The following NACC1 variants were observed in gnomAD, a reference collection of about 807,000 sequenced individuals.
NACC1 encodes the protein nucleus accumbens associated 1, also known as nucleus accumbens-associated protein 1.
A neutral mutation model predicts 41.7 loss-of-function variants in NACC1; 6 were observed. The ratio of observed to expected loss-of-function variants is 0.14; its 90% CI spans 0.08 to 0.28. The LOEUF (loss-of-function observed/expected upper bound fraction) is 0.28, where lower values mean the gene tolerates loss of function less well. Ranked by LOEUF, NACC1 falls within the 10% of genes least tolerant of loss-of-function variation. NACC1 has a pLI of 1.00. For synonymous variants in NACC1, 338 were observed against 330.6 expected (o/e 1.02, Z -0.24); for missense variants, 434 against 763.7 (o/e 0.57, Z 5.09).
chr19:13,125,137 G>T (rs1469550585), intron 1 of NACC1, among the ~76,000 whole-genome samples: 1 of 152,090 alleles, frequency 6.6e-6, no homozygotes, highest in East Asian at 1.9e-4. Context: ...CTTCAGCCTG[G>T]GTGACAGAGC....
chr19:13,137,130 G>A lies in NACC1; in HGVS notation c.1121-141G>A, dbSNP rs896978475. 1.2e-5 allele frequency: 9 copies of A among 731,434 alleles called. No individual in the cohort carries two copies. In the Admixed American group the frequency reaches 2.3e-4, roughly 19 times the overall value. 45.3% of individuals were successfully genotyped at this position (731,434 alleles called of 1,614,324 possible). On this transcript the variant is annotated intron_variant, in intron 3 of 5. Coordinates refer to ENST00000292431, the MANE Select transcript of NACC1 (RefSeq NM_052876.4). This position sits in a 1 kb window ranked among gnomAD's most constrained non-coding sequence, Gnocchi z 6.1. The stretch of plus-strand genomic sequence containing the variant: ...TGCCCTTGGTGGGTAGAGATGTAGG[G>A]GAGAAGGTCCCTGGGTGAGTTTTCT...
Position 13,140,933 on chromosome 19 carries a change from C to G in NACC1, c.*2527C>G, listed in dbSNP as rs1482103371. The G allele has an allele frequency of 6.6e-6, 1 of 152,562 alleles. No individual in the cohort carries two copies. The highest frequency in any genetic ancestry group is 1.5e-5 in the Non-Finnish European group (1 of 68,054). The allele number at this position is 152,562 out of a possible 1,614,324, so 9.5% of individuals were successfully genotyped here. The stretch of plus-strand genomic sequence containing the variant: ...AACTCCCCTTCCCTGGCCGCCCACT[C>G]AACCCACACCTCTTTCACGCAGGAC... On this transcript the variant is annotated 3_prime_UTR_variant, in exon 6 of 6. Transcript: ENST00000292431. The surrounding 1 kb of genome is among the most constrained non-coding windows in gnomAD (Gnocchi z 4.0).
chr19:13,118,764 A>G (rs2019445671), intron 1 of NACC1, among the ~76,000 whole-genome samples: 1 of 149,108 alleles, frequency 6.7e-6, no homozygotes, highest in South Asian at 2.1e-4. Flanking sequence ...TCCGAGGCGG[A>G]AAAGTGAGGA....
rs571735618 is a variant in NACC1, at chr19:13,140,555, G to T, written c.*2149G>T. 54 of 148,246 alleles carry T rather than the reference G, an allele frequency of 3.6e-4. No individual in the cohort carries two copies. The highest frequency in any genetic ancestry group is 1.2e-3 in the African/African-American group (47 of 40,102). The allele number at this position is 148,246 out of a possible 1,614,324, so 9.2% of individuals were successfully genotyped here. On this transcript the variant is annotated 3_prime_UTR_variant, in exon 6 of 6. Coordinates refer to ENST00000292431, the MANE Select transcript of NACC1 (RefSeq NM_052876.4). This position sits in a 1 kb window ranked among gnomAD's most constrained non-coding sequence, Gnocchi z 4.0. ...AGCCCCTGTGGCATTGGCTTGGGTG[G>T]CAGAGCCCACTTGTTTCAGGGACCC...
intron 1 of NACC1, among the ~76,000 whole-genome samples, chr19:13,118,669 A>C (rs2019441318): frequency 6.6e-6 from 1 of 150,554 alleles, no homozygotes; most frequent in South Asian, 2.1e-4. Flanking sequence ...GCAGGATCGT[A>C]CCTGGACCGC....
Position 13,137,140 on chromosome 19 carries a change from C to T in NACC1, c.1121-131C>T. On this transcript the variant is annotated intron_variant, in intron 3 of 5. Coordinates refer to ENST00000292431, the MANE Select transcript of NACC1 (RefSeq NM_052876.4). This position sits in a 1 kb window ranked among gnomAD's most constrained non-coding sequence, Gnocchi z 6.1. ...GGGTAGAGATGTAGGGGAGAAGGTCCCTGGGTGAGTTTTCTTGGGACCCAG... is the reference window on the plus strand; with the variant it reads ...GGGTAGAGATGTAGGGGAGAAGGTCTCTGGGTGAGTTTTCTTGGGACCCAG... 1 of 815,254 alleles carries T rather than the reference C, an allele frequency of 1.2e-6. No individual in the cohort carries two copies. The highest frequency in any genetic ancestry group is 2.0e-6 in the Non-Finnish European group (1 of 499,996). 50.5% of individuals were successfully genotyped at this position (815,254 alleles called of 1,614,324 possible). A position where few individuals can be genotyped will look rare whatever the true frequency, so the allele number is the denominator to read the frequency against.
At chr19:13,124,936 T>A (rs1308781142) in intron 1 of NACC1, among the ~76,000 whole-genome samples, 1 of 152,100 alleles carries the variant, frequency 6.6e-6, no homozygotes, top group African/African-American at 2.4e-5. Flanking sequence ...AATTTTAATT[T>A]GTTTTTCACC....
chr19:13,127,622 C>T (rs542989100), intron 1 of NACC1, among the ~76,000 whole-genome samples: 1 of 150,488 alleles, frequency 6.6e-6, no homozygotes, highest in Non-Finnish European at 1.5e-5. Context: ...ACGATTCTTG[C>T]AGTGAGCCGA....
Position 13,140,289 on chromosome 19 carries a change from C to T in NACC1, c.*1883C>T, listed in dbSNP as rs1029023058. 6.5e-6 allele frequency: 1 copy of T among 152,846 alleles called. No individual in the cohort carries two copies. Among genetic ancestry groups the T allele is most frequent in the Non-Finnish European group, 1.5e-5 (1 of 68,212 alleles). 9.5% of individuals were successfully genotyped at this position (152,846 alleles called of 1,614,324 possible). A position where few individuals can be genotyped will look rare whatever the true frequency, so the allele number is the denominator to read the frequency against. On this transcript the variant is annotated 3_prime_UTR_variant, in exon 6 of 6. Transcript: ENST00000292431. This position sits in a 1 kb window ranked among gnomAD's most constrained non-coding sequence, Gnocchi z 4.0. ...CCGCCTCCTGGCCTGCCACCCCACCCCAGCGTTTACCCCAAAGCACAATGC... is the reference window on the plus strand; with the variant it reads ...CCGCCTCCTGGCCTGCCACCCCACCTCAGCGTTTACCCCAAAGCACAATGC...
intron 1 of NACC1, among the ~76,000 whole-genome samples, chr19:13,119,548 G>C (rs184192832): frequency 6.6e-6 from 1 of 152,120 alleles, no homozygotes; most frequent in East Asian, 1.9e-4. Context: ...GGTGGTTCAA[G>C]CCTAGTGGAT....
Position 13,140,516 on chromosome 19 carries a change from G to A in NACC1, c.*2110G>A, listed in dbSNP as rs185918989. ...CCTGCCCCTCTCTGCCTTTTCCTCG[G>A]GTGTCCCTCCTCGAGCCCCTGTGGC... On this transcript the variant is annotated 3_prime_UTR_variant, in exon 6 of 6. Transcript: ENST00000292431. This position sits in a 1 kb window ranked among gnomAD's most constrained non-coding sequence, Gnocchi z 4.0. 0.037 allele frequency: 5,648 copies of A among 152,106 alleles called. 358 individuals carry two copies. The highest frequency in any genetic ancestry group is 0.13 in the African/African-American group (5,364 of 41,406). 9.4% of individuals were successfully genotyped at this position (152,106 alleles called of 1,614,324 possible).
intron 1 of NACC1, among the ~76,000 whole-genome samples, chr19:13,126,971 G>A (rs905617639): frequency 1.3e-5 from 2 of 151,998 alleles, no homozygotes; most frequent in South Asian, 2.1e-4. Flanking sequence ...GTGGTGGCTC[G>A]CACCTGTAGT....
chr19:13,137,537 G>A lies in NACC1; in HGVS notation c.1286G>A (p.Arg429Gln). The change falls in exon 5 of 6, where the codon CGG (arginine) becomes CAG (glutamine). Residue 429 changes from arginine (R) to glutamine (Q), a missense_variant. Around this residue, in one of 4 missense-constraint regions of NACC1, gnomAD observed 70 missense variants for 206.9 expected, o/e 0.34. Coordinates refer to ENST00000292431, the MANE Select transcript of NACC1 (RefSeq NM_052876.4). The surrounding 1 kb of genome is among the most constrained non-coding windows in gnomAD (Gnocchi z 6.1). ...CGCTCTTCTACCAACGATCCCCGTCGGAAGCCCCTGGACAGCCGCGTGCTC... is the reference window on the plus strand; with the variant it reads ...CGCTCTTCTACCAACGATCCCCGTCAGAAGCCCCTGGACAGCCGCGTGCTC... Reference protein sequence around the residue: ...GIRSSTNDPRRKPLDSRVLHA... With the variant: ...GIRSSTNDPRQKPLDSRVLHA... 1 of 1,570,808 alleles carries A rather than the reference G, an allele frequency of 6.4e-7. No individual in the cohort carries two copies. Among genetic ancestry groups the A allele is most frequent in the Non-Finnish European group, 8.6e-7 (1 of 1,157,234 alleles).
At chr19:13,117,563 C>CTTTTTTTTTT (rs34010451), upstream of NACC1, 2 of 135,030 alleles carry the variant, frequency 1.5e-5, no homozygotes, top group Non-Finnish European at 3.1e-5. Flanking sequence ...TTCTTTCTTT[C>CTTTTTTTTTT]TTTTTTTTTT....
Position 13,118,346 on chromosome 19 carries a change from A to G in NACC1, c.-117A>G, listed in dbSNP as rs2145606444. The G allele has an allele frequency of 1.4e-5, 2 of 146,608 alleles. No homozygotes were observed. The highest frequency in any genetic ancestry group is 4.2e-4 in the South Asian group (2 of 4,814). The allele number at this position is 146,608 out of a possible 1,614,324, so 9.1% of individuals were successfully genotyped here. ...GAGGCGGAGGCCGCGGAGGCCGCGG[A>G]GGCGGAGGCCGAGGCCCCGGCGCAG... On this transcript the variant is annotated 5_prime_UTR_variant, in exon 1 of 6. Transcript: ENST00000292431.
rs2019740379 is a variant in NACC1, at chr19:13,138,553, C to A, written c.*147C>A. The A allele has an allele frequency of 8.1e-7, 1 of 1,240,328 alleles. No individual in the cohort carries two copies. Among genetic ancestry groups the A allele is most frequent in the Non-Finnish European group, 1.1e-6 (1 of 911,082 alleles). 76.8% of individuals were successfully genotyped at this position (1,240,328 alleles called of 1,614,324 possible). A position where few individuals can be genotyped will look rare whatever the true frequency, so the allele number is the denominator to read the frequency against. ...GGCCCTCTGCCCCTCCTGTCCTACC[C>A]CCTTTCCCCACCGAGAGCTGGGCCG... On this transcript the variant is annotated 3_prime_UTR_variant, in exon 6 of 6. Coordinates refer to ENST00000292431, the MANE Select transcript of NACC1 (RefSeq NM_052876.4). The surrounding 1 kb of genome is among the most constrained non-coding windows in gnomAD (Gnocchi z 5.7).
Position 13,138,554 on chromosome 19 carries a change from C to G in NACC1, c.*148C>G, listed in dbSNP as rs1490292913. 19 of 1,224,956 alleles carry G rather than the reference C, an allele frequency of 1.6e-5. No individual in the cohort carries two copies. The highest frequency in any genetic ancestry group is 2.1e-5 in the Non-Finnish European group (19 of 897,740). The allele number at this position is 1,224,956 out of a possible 1,614,324, so 75.9% of individuals were successfully genotyped here. A position where few individuals can be genotyped will look rare whatever the true frequency, so the allele number is the denominator to read the frequency against. On this transcript the variant is annotated 3_prime_UTR_variant, in exon 6 of 6. Transcript: ENST00000292431. The surrounding 1 kb of genome is among the most constrained non-coding windows in gnomAD (Gnocchi z 5.7). ...GCCCTCTGCCCCTCCTGTCCTACCC[C>G]CTTTCCCCACCGAGAGCTGGGCCGG...
chr19:13,119,042 C>CG (rs905692149), intron 1 of NACC1, among the ~76,000 whole-genome samples: 13 of 107,140 alleles, frequency 1.2e-4, no homozygotes, highest in Non-Finnish European at 2.2e-4. Context: ...AGATGTTTTC[C>CG]GGGGGTCACA....
chr19:13,119,911 CG>C (rs1299835591), intron 1 of NACC1, among the ~76,000 whole-genome samples: 1 of 152,132 alleles, frequency 6.6e-6, no homozygotes, highest in African/African-American at 2.4e-5. Flanking sequence ...AGCTGAGGCT[CG>C]GGGTGGTGTG....
Sources: gnomAD v4.1 joint callset for allele counts (sites outside exome capture counted in the v4.1 genomes callset) on GRCh38, gnomAD v4.1.1 for gene constraint, gnomAD v4.1.1 regional missense constraint, Gnocchi (gnomAD v3.1) non-coding constraint, MANE v1.5 for transcripts, NCBI Gene and HGNC (gene_info 2026-07-23, HGNC 2026-07-21) for gene names.